HPSE2: variants seen among roughly 807,000 people sequenced by gnomAD.
HPSE2 encodes heparanase 2 (inactive).
A neutral mutation model predicts 60.5 loss-of-function variants in HPSE2; 38 were observed. The observed-to-expected ratio is 0.63, with a 90% CI of 0.48 to 0.82. The LOEUF (loss-of-function observed/expected upper bound fraction) is 0.82, where lower values mean the gene tolerates loss of function less well. Among genes scored for constraint, HPSE2 ranks in the 40% least tolerant of loss-of-function variants. The pLI is 0.00. For missense variants in HPSE2, 713 were observed against 740.4 expected (o/e 0.96, Z 0.43); for synonymous variants, 295 against 293.2 (o/e 1.01, Z -0.06).
At chr10:98,951,016 TAGGCCTGTAAGTACAAGTGACAAAAAAAA>T in intron 3 of HPSE2, among the ~76,000 whole-genome samples, 2 of 152,260 alleles carry the variant, frequency 1.3e-5, no homozygotes, top group Middle Eastern at 6.8e-3. Flanking sequence ...CAATCCAAGA[TAGGCCTGTAAGTACAAGTGACAAAAAAAA>T]GTGGTGGTCA....
intron 3 of HPSE2, among the ~76,000 whole-genome samples, chr10:99,025,329 T>C (rs557174923): frequency 6.6e-6 from 1 of 152,208 alleles, no homozygotes; most frequent in Non-Finnish European, 1.5e-5. Context: ...TATCATTCAA[T>C]CCAGCAATCC....
chr10:98,980,067 A>C (rs1256978488), intron 3 of HPSE2, among the ~76,000 whole-genome samples: 1 of 152,166 alleles, frequency 6.6e-6, no homozygotes, highest in South Asian at 2.1e-4. Flanking sequence ...ATTCCCCATA[A>C]GGAATCAACC....
At chr10:98,626,196 C>T (rs575298229) in intron 7 of HPSE2, among the ~76,000 whole-genome samples, 20 of 151,914 alleles carry the variant, frequency 1.3e-4, no homozygotes, top group African/African-American at 3.6e-4. Context: ...CAGTGAGTGG[C>T]GGTAGTCATG....
Position 99,083,966 on chromosome 10 carries a change from CTTTTT to C in HPSE2, c.610+60267_610+60271del, listed in dbSNP as rs34799799. On this transcript the variant is annotated intron_variant, in intron 3 of 11. Coordinates refer to ENST00000370552, the MANE Select transcript of HPSE2 (RefSeq NM_021828.5). Reference sequence around the variant, plus strand: ...AAACCATATGGGAATGTGTGAAAGCCTTTTTTTTTTTTTTTTTTTTTTTTTTAAGT... The same window carrying C: ...AAACCATATGGGAATGTGTGAAAGCCTTTTTTTTTTTTTTTTTTTTTAAGT... 2.9e-4 allele frequency among the ~76,000 whole-genome samples: 23 copies of C among 79,760 alleles called. No individual in the cohort carries two copies. In the East Asian group the frequency reaches 5.0e-3, roughly 18 times the overall value. The allele number at this position is 79,760 out of a possible 152,430, so 52.3% of individuals were successfully genotyped here.
At chr10:98,830,209 T>A (rs1364995615) in intron 3 of HPSE2, among the ~76,000 whole-genome samples, 1 of 152,202 alleles carries the variant, frequency 6.6e-6, no homozygotes, top group Non-Finnish European at 1.5e-5. Context: ...ATGAGGCATA[T>A]GCAGTCCCTG....
chr10:98,671,636 A>C (rs548959909), intron 6 of HPSE2, among the ~76,000 whole-genome samples: 1 of 152,308 alleles, frequency 6.6e-6, no homozygotes, highest in African/African-American at 2.4e-5. Context: ...TGGGTCTTTA[A>C]ATTTAGTGCT....
intron 3 of HPSE2, among the ~76,000 whole-genome samples, chr10:98,884,813 C>G (rs1467242757): frequency 6.6e-6 from 1 of 152,120 alleles, no homozygotes; most frequent in Non-Finnish European, 1.5e-5. Context: ...CAACCTAGAT[C>G]CCTTGCAGAG....
At chr10:98,638,658 A>G (rs1946562032) in intron 7 of HPSE2, among the ~76,000 whole-genome samples, 1 of 152,148 alleles carries the variant, frequency 6.6e-6, no homozygotes, top group South Asian at 2.1e-4. Context: ...CTAGTCTCCT[A>G]GCTCTCATGT....
chr10:98,946,472 C>CAA (rs61591255), intron 3 of HPSE2, among the ~76,000 whole-genome samples: 61 of 93,222 alleles, frequency 6.5e-4, no homozygotes, highest in African/African-American at 1.6e-3. Context: ...GACCCTCACT[C>CAA]AAAAAAAAAA....
At chr10:98,744,150 C>T in intron 3 of HPSE2, 94 bp from the exon 4 acceptor site, 1 of 1,122,652 alleles carries the variant, frequency 8.9e-7, no homozygotes, top group Non-Finnish European at 1.3e-6. Flanking sequence ...CTATGAGCTT[C>T]CCACTAATAA....
rs745730136 is a variant in HPSE2, at chr10:98,803,802, C to T, written c.611-59746G>A. Among the ~76,000 whole-genome samples the T allele has an allele frequency of 6.4e-3, 971 of 151,074 alleles. 6 individuals are homozygous for T. Among genetic ancestry groups the T allele is most frequent in the South Asian group, 0.027 (127 of 4,762 alleles). ...TTGGCTTAGGATTGACTTGGCGATGCGGGCTCTTTTTTGGTTCCATATGAA... is the reference window on the plus strand; with the variant it reads ...TTGGCTTAGGATTGACTTGGCGATGTGGGCTCTTTTTTGGTTCCATATGAA... On this transcript the variant is annotated intron_variant, in intron 3 of 11. Transcript: ENST00000370552.
intron 9 of HPSE2, among the ~76,000 whole-genome samples, chr10:98,492,459 G>C (rs1446899025): frequency 2.8e-5 from 4 of 140,766 alleles, no homozygotes; most frequent in Non-Finnish European, 6.0e-5. Context: ...CCGAGATTGC[G>C]CCACTGCACT....
intron 3 of HPSE2, among the ~76,000 whole-genome samples, chr10:98,931,335 T>A (rs949361686): frequency 1.4e-5 from 2 of 144,154 alleles, no homozygotes; most frequent in Non-Finnish European, 3.0e-5. Flanking sequence ...TATGTGCCTG[T>A]TTTTGTACCA....
Position 98,666,875 on chromosome 10 carries a change from A to G in HPSE2, c.1005-24935T>C, listed in dbSNP as rs150360645. Among the ~76,000 whole-genome samples, 1,000 of 152,216 alleles carry G rather than the reference A, an allele frequency of 6.6e-3. 6 individuals are homozygous for G. Among genetic ancestry groups the G allele is most frequent in the South Asian group, 0.026 (124 of 4,830 alleles). On this transcript the variant is annotated intron_variant, in intron 6 of 11. Coordinates refer to ENST00000370552, the MANE Select transcript of HPSE2 (RefSeq NM_021828.5). The stretch of plus-strand genomic sequence containing the variant: ...AGCTAACATTGCACCTAGAGAAATA[A>G]GACAAAAAATAATTATTTCTAGAAG...
chr10:98,566,996 T>A (rs521390), intron 9 of HPSE2, among the ~76,000 whole-genome samples: 130,952 of 152,248 alleles, frequency 0.86, 57,289 homozygotes, highest in East Asian at 1. Flanking sequence ...ACTGTACTCA[T>A]ACACTCGTAG....
intron 9 of HPSE2, among the ~76,000 whole-genome samples, chr10:98,563,321 A>G (rs185215936): frequency 2.0e-5 from 3 of 152,316 alleles, no homozygotes; most frequent in Non-Finnish European, 2.9e-5. Flanking sequence ...ACAAAAGACC[A>G]TATCTTGTAT....
At chr10:99,280,400 T>C in the HPSE2 span, among the ~76,000 whole-genome samples, 1 of 152,206 alleles carries the variant, frequency 6.6e-6, no homozygotes, top group Non-Finnish European at 1.5e-5. Context: ...ACATCTGCTG[T>C]ATAGTAATGC....
intron 9 of HPSE2, among the ~76,000 whole-genome samples, chr10:98,577,346 T>G (rs1039430930): frequency 6.6e-6 from 1 of 152,200 alleles, no homozygotes; most frequent in Admixed American, 6.5e-5. Flanking sequence ...TTGCACAAAT[T>G]TTCAATAGAT....
intron 3 of HPSE2, among the ~76,000 whole-genome samples, chr10:98,883,390 T>C (rs762651555): frequency 3.3e-5 from 5 of 152,132 alleles, no homozygotes; most frequent in East Asian, 3.9e-4. Context: ...TATAATTCTA[T>C]GAAAATTATT....
Sources: allele counts gnomAD v4.1 joint callset (sites outside exome capture counted in the v4.1 genomes callset), GRCh38; gene constraint gnomAD v4.1.1; transcripts MANE v1.5; gene names NCBI Gene and HGNC (gene_info 2026-07-23, HGNC 2026-07-21).